NINL: variants seen among roughly 807,000 people sequenced by gnomAD.
The protein encoded by NINL is ninein like.
A neutral mutation model predicts 160.3 loss-of-function variants in NINL; 153 were observed. The observed-to-expected ratio is 0.95, with a 90% CI of 0.84 to 1.09. The LOEUF is 1.09. Ranked by LOEUF, NINL falls within the 50% of genes least tolerant of loss-of-function variation. NINL has a pLI of 0.00. For missense variants in NINL, 1,829 were observed against 1,764.0 expected (o/e 1.04, Z -0.66); for synonymous variants, 800 against 734.8 (o/e 1.09, Z -1.43).
chr20:25,552,326 G>A (rs989425753), intron 1 of NINL, among the ~76,000 whole-genome samples: 6 of 151,980 alleles, frequency 3.9e-5, no homozygotes, highest in South Asian at 2.1e-4. Flanking sequence ...TTGAGCCCAG[G>A]AGTTCAAGAC....
At position 25,476,148 on chromosome 20, in the gene NINL, T is replaced by C; in HGVS notation, c.3143A>G (p.Lys1048Arg). 9 of 1,614,190 alleles carry C rather than the reference T, an allele frequency of 5.6e-6. No homozygotes were observed. Among genetic ancestry groups the C allele is most frequent in the Non-Finnish European group, 6.8e-6 (8 of 1,180,030 alleles). ...QLAAPEEGET[K>R]IALEREKDDM... Reference sequence around the variant, plus strand: ...ATCCTTCTCTCTCTCCAGCGCTATTTTGGTCTCCCCCTCTTCTGGGGCAGC... The same window carrying C: ...ATCCTTCTCTCTCTCCAGCGCTATTCTGGTCTCCCCCTCTTCTGGGGCAGC... Residue 1048 changes from lysine to arginine, a missense_variant, in exon 17 of 24, where the codon AAA becomes AGA. Physicochemically the swap from Lys to Arg is conservative, Grantham distance 26. Transcript: ENST00000278886.
intron 13 of NINL, among the ~76,000 whole-genome samples, chr20:25,487,521 G>A (rs2063528080): frequency 6.6e-6 from 1 of 152,164 alleles, no homozygotes; most frequent in Admixed American, 6.5e-5. Flanking sequence ...AGTGTCTATT[G>A]TTACAACTTG....
At chr20:25,482,150 C>A in intron 13 of NINL, 50 bp from the exon 14 acceptor site, 2 of 1,566,334 alleles carry the variant, frequency 1.3e-6, no homozygotes, top group Non-Finnish European at 1.7e-6. Flanking sequence ...GCCATTCAGC[C>A]CAGCGAGCTG....
chr20:25,571,601 C>T (rs2065055254), intron 1 of NINL, among the ~76,000 whole-genome samples: 1 of 152,180 alleles, frequency 6.6e-6, no homozygotes, highest in Middle Eastern at 3.2e-3. Flanking sequence ...GACACAGTGG[C>T]TCACACCTGG....
Position 25,492,067 on chromosome 20 carries a change from GA to G in NINL, c.1311-543del, listed in dbSNP as rs1476605107. ...TCAACGCTCAGTCTCATCTCTTTCT[GA>G]AACAGCAGCTTCACTGGAATTCTCA... is the stretch of plus-strand genomic sequence containing the variant. On this transcript the variant is annotated intron_variant, in intron 10 of 23. Coordinates refer to ENST00000278886, the MANE Select transcript of NINL (RefSeq NM_025176.6). Among the ~76,000 whole-genome samples, 14 of 152,266 alleles carry G rather than the reference GA, an allele frequency of 9.2e-5. 1 individual carries two copies. In the South Asian group the frequency reaches 2.9e-3, roughly 32 times the overall value.
intron 1 of NINL, among the ~76,000 whole-genome samples, chr20:25,561,457 C>T (rs561670744): frequency 2.6e-5 from 4 of 152,346 alleles, no homozygotes; most frequent in East Asian, 3.9e-4. Flanking sequence ...GCCGCTACCC[C>T]GTCTGGGAAA....
intron 17 of NINL, among the ~76,000 whole-genome samples, chr20:25,471,744 G>A (rs1354712965): frequency 1.3e-5 from 2 of 152,186 alleles, no homozygotes; most frequent in African/African-American, 4.8e-5. Context: ...ACCTGCACCA[G>A]ACAGGGCCCT....
At chr20:25,508,458 A>G (rs1278164020) in intron 5 of NINL, among the ~76,000 whole-genome samples, 1 of 152,238 alleles carries the variant, frequency 6.6e-6, no homozygotes, top group African/African-American at 2.4e-5. Flanking sequence ...CCTGGCCTGC[A>G]GCCCAGCCCA....
chr20:25,476,667 G>GCTCCTGCCGC lies in NINL; in HGVS notation c.2614_2623dup (p.Ala875GlyfsTer102). The GCTCCTGCCGC allele has an allele frequency of 3.1e-6, 5 of 1,587,918 alleles. No individual in the cohort carries two copies. The highest frequency in any genetic ancestry group is 4.3e-6 in the Non-Finnish European group (5 of 1,172,978). ...CTGGGCTTGCCTGCGGCGAGGCCCG[G>GCTCCTGCCGC]CTCCTGCCGCCTCCTCAGACTCTCT... On this transcript the variant is annotated frameshift_variant, in exon 17 of 24. Coordinates refer to ENST00000278886, the MANE Select transcript of NINL (RefSeq NM_025176.6). LOFTEE classifies it high-confidence loss of function.
intron 1 of NINL, among the ~76,000 whole-genome samples, chr20:25,575,312 TG>T (rs1226367999): frequency 6.6e-6 from 1 of 150,808 alleles, no homozygotes; most frequent in Non-Finnish European, 1.5e-5. Context: ...CTGGGCGTGG[TG>T]GCAGGCGCCT....
Position 25,455,689 on chromosome 20 carries a change from T to A in NINL, c.3941A>T (p.Asp1314Val). 2 of 1,613,596 alleles carry A rather than the reference T, an allele frequency of 1.2e-6. No individual in the cohort carries two copies. The highest frequency in any genetic ancestry group is 2.7e-5 in the African/African-American group (2 of 75,042). ...ATCACTCACCTGCTCCTTCAGCTTA[T>A]CCACTTTCTCTTGGAGGAGCATTTC... ...NMEMLLQEKV[D>V]KLKEQFEKNT... The change falls in exon 23 of 24, where the codon GAT becomes GTT. Residue 1314 changes from aspartate (D) to valine (V), a missense_variant. Physicochemically the swap from Asp to Val is radical, Grantham distance 152. Coordinates refer to ENST00000278886, the MANE Select transcript of NINL (RefSeq NM_025176.6).
chr20:25,504,192 G>C (rs1034911327), intron 6 of NINL, 88 bp from the exon 7 acceptor site: 1 of 1,384,674 alleles, frequency 7.2e-7, no homozygotes, highest in Non-Finnish European at 9.8e-7. Flanking sequence ...CCTCCCTCTG[G>C]TTCCAAGTAC....
chr20:25,536,602 C>T (rs2064560281), intron 1 of NINL, among the ~76,000 whole-genome samples: 1 of 152,112 alleles, frequency 6.6e-6, no homozygotes, highest in Non-Finnish European at 1.5e-5. Context: ...GCCTAAAATC[C>T]CAGCTACTCA....
At chr20:25,561,171 C>A (rs909941607) in intron 1 of NINL, among the ~76,000 whole-genome samples, 1 of 152,266 alleles carries the variant, frequency 6.6e-6, no homozygotes, top group Non-Finnish European at 1.5e-5. Context: ...CGAGTGCCTG[C>A]GATTGCAGGC....
At chr20:25,495,806 T>G (rs1427626525) in intron 10 of NINL, among the ~76,000 whole-genome samples, 2 of 152,214 alleles carry the variant, frequency 1.3e-5, no homozygotes, top group Non-Finnish European at 2.9e-5. Context: ...TCCTCAGATG[T>G]TCTGTTTGTG....
chr20:25,557,976 A>G (rs1278652823), intron 1 of NINL, among the ~76,000 whole-genome samples: 1 of 14,596 alleles, frequency 6.9e-5, no homozygotes, highest in Non-Finnish European at 1.6e-4. Flanking sequence ...TAAAAATACA[A>G]AAAAAAAAAA....
chr20:25,539,339 C>G (rs911220462), intron 1 of NINL, among the ~76,000 whole-genome samples: 3 of 152,236 alleles, frequency 2.0e-5, no homozygotes, highest in African/African-American at 7.2e-5. Flanking sequence ...CCACGGAGAA[C>G]CAGCAACCTG....
intron 1 of NINL, chr20:25,540,086 T>C: frequency 7.9e-7 from 1 of 1,272,502 alleles, no homozygotes; most frequent in Non-Finnish European, 1.0e-6. Context: ...TACTCCTTGG[T>C]ATTCCACATC....
chr20:25,461,801 G>C (rs1244754714), intron 20 of NINL, among the ~76,000 whole-genome samples, 166 bp from the exon 21 acceptor site: 2 of 151,932 alleles, frequency 1.3e-5, no homozygotes, highest in African/African-American at 4.8e-5. Flanking sequence ...TCACTCCCCG[G>C]CCCCTCCTCT....
Sources: allele counts gnomAD v4.1 joint callset (sites outside exome capture counted in the v4.1 genomes callset), GRCh38; gene constraint gnomAD v4.1.1; transcripts MANE v1.5; gene names NCBI Gene and HGNC (gene_info 2026-07-23, HGNC 2026-07-21).